Variants in TTC28 observed in about 807,000 individuals in gnomAD.
The protein encoded by TTC28 is tetratricopeptide repeat protein 28.
TTC28 carries 61 observed loss-of-function variants against 198.0 expected under a neutral mutation model. The observed-to-expected ratio is 0.31, with a 90% CI of 0.25 to 0.38. The LOEUF is 0.38. Ranked by LOEUF, TTC28 falls within the 10% of genes least tolerant of loss-of-function variation. The pLI is 1.00. For synonymous variants in TTC28, 1,171 were observed against 1,297.8 expected (o/e 0.90, Z 2.10); for missense variants, 2,678 against 3,164.0 (o/e 0.85, Z 3.69).
chr22:28,523,030 G>A (rs1042861597), intron 2 of TTC28, among the ~76,000 whole-genome samples: 7 of 152,034 alleles, frequency 4.6e-5, no homozygotes, highest in African/African-American at 1.4e-4. Context: ...AAGGGTAGAC[G>A]TTATGGTATG....
chr22:28,296,254 C>A lies in TTC28; in HGVS notation c.877G>T (p.Ala293Ser). Residue 293 changes from alanine (A) to serine (S), a missense_variant, in exon 5 of 23, where the codon GCT becomes TCT. By Grantham distance (99) the Ala-to-Ser change is moderately conservative. Transcript: ENST00000397906. ...AACTGATGCCTGTGGTTAGTGAGAG[C>A]CTCCCGGTAATTTCCTTTGGAGAAG... is the stretch of plus-strand genomic sequence containing the variant. ...AFFSKGNYRE[A>S]LTNHRHQLVL... 6.4e-7 allele frequency: 1 copy of A among 1,550,990 alleles called. No individual in the cohort carries two copies. Among genetic ancestry groups the A allele is most frequent in the Non-Finnish European group, 8.7e-7 (1 of 1,146,690 alleles).
Position 28,105,809 on chromosome 22 carries a change from G to A in TTC28, c.2784-7C>T. 6.5e-7 allele frequency: 1 copy of A among 1,538,616 alleles called. No homozygotes were observed. The highest frequency in any genetic ancestry group is 1.2e-5 in the South Asian group (1 of 82,652). Reference sequence around the variant, plus strand: ...CTGCAAGCTCCCCATTGCCCTGTGGGGATGTAGACAGAAAAGCAATGATAT... The same window carrying A: ...CTGCAAGCTCCCCATTGCCCTGTGGAGATGTAGACAGAAAAGCAATGATAT... On this transcript the variant is annotated splice_region_variant and splice_polypyrimidine_tract_variant and intron_variant, in intron 7 of 22. Transcript: ENST00000397906.
chr22:28,029,401 A>C (rs1184884377), intron 13 of TTC28, among the ~76,000 whole-genome samples: 5 of 152,204 alleles, frequency 3.3e-5, no homozygotes, highest in Non-Finnish European at 7.4e-5. Flanking sequence ...CCTCCCACCC[A>C]GTGCACAGTC....
chr22:28,125,097 A>AT lies in TTC28; in HGVS notation c.1442-16695dup, dbSNP rs1942883358. On this transcript the variant is annotated intron_variant, in intron 6 of 22. Coordinates refer to ENST00000397906, the MANE Select transcript of TTC28 (RefSeq NM_001145418.2). ...CCTCCAAAGAGCTCACCATGCTCTCATGCCTCCCCTTTATCATTACCGTAT... is the reference window on the plus strand; with the variant it reads ...CCTCCAAAGAGCTCACCATGCTCTCATTGCCTCCCCTTTATCATTACCGTAT... Among the ~76,000 whole-genome samples, 3 of 152,302 alleles carry AT rather than the reference A, an allele frequency of 2.0e-5. No individual in the cohort carries two copies. In the South Asian group the frequency reaches 6.2e-4, roughly 32 times the overall value.
At chr22:28,034,464 C>T (rs1007443887) in intron 12 of TTC28, among the ~76,000 whole-genome samples, 8 of 152,204 alleles carry the variant, frequency 5.3e-5, no homozygotes, top group African/African-American at 1.7e-4. Flanking sequence ...CTCCTTCCCT[C>T]GTGGCTCTCT....
At chr22:28,394,914 A>G (rs1396645961) in intron 2 of TTC28, among the ~76,000 whole-genome samples, 2 of 152,170 alleles carry the variant, frequency 1.3e-5, no homozygotes, top group Non-Finnish European at 2.9e-5. Flanking sequence ...ACATAGTAAT[A>G]CTATGACTAT....
At chr22:28,608,355 G>C (rs2050766023) in intron 2 of TTC28, among the ~76,000 whole-genome samples, 1 of 152,164 alleles carries the variant, frequency 6.6e-6, no homozygotes, top group African/African-American at 2.4e-5. Context: ...GCTTCCTAGA[G>C]AAGTTCCATT....
intron 2 of TTC28, among the ~76,000 whole-genome samples, chr22:28,414,089 C>G (rs1412652988): frequency 1.3e-5 from 2 of 152,140 alleles, no homozygotes; most frequent in East Asian, 3.9e-4. Flanking sequence ...ATTAATATGT[C>G]ACATCATCTA....
chr22:28,051,724 C>T (rs901235445), intron 12 of TTC28, among the ~76,000 whole-genome samples: 5 of 152,184 alleles, frequency 3.3e-5, no homozygotes, highest in African/African-American at 1.2e-4. Context: ...TAGTGGGAAA[C>T]GTCCCCTGCA....
intron 2 of TTC28, among the ~76,000 whole-genome samples, chr22:28,355,456 AAACT>A (rs776649098): frequency 1.1e-4 from 17 of 152,324 alleles, no homozygotes; most frequent in Admixed American, 4.6e-4. Context: ...ATCAAGATGA[AAACT>A]AATAATGTGT....
intron 2 of TTC28, among the ~76,000 whole-genome samples, chr22:28,579,562 T>C (rs778497020): frequency 6.7e-6 from 1 of 148,706 alleles, no homozygotes; most frequent in East Asian, 2.0e-4. Context: ...TATAGTCACA[T>C]ATACAAATGC....
chr22:28,045,308 G>A (rs1939820158), intron 12 of TTC28, among the ~76,000 whole-genome samples: 1 of 152,206 alleles, frequency 6.6e-6, no homozygotes, highest in South Asian at 2.1e-4. Context: ...GCTCCAATGA[G>A]CATTTCCTCT....
chr22:28,088,491 A>G (rs1433755486), intron 12 of TTC28, among the ~76,000 whole-genome samples: 2 of 152,192 alleles, frequency 1.3e-5, no homozygotes, highest in Non-Finnish European at 2.9e-5. Flanking sequence ...TCCCTTCCTT[A>G]CACCTTATAC....
intron 1 of TTC28, among the ~76,000 whole-genome samples, chr22:28,663,259 A>C (rs1457955003): frequency 6.6e-6 from 1 of 151,776 alleles, no homozygotes; most frequent in Non-Finnish European, 1.5e-5. Flanking sequence ...AAAAAAAAAA[A>C]AAAAGAAAGA....
At chr22:28,403,760 G>C (rs773047939) in intron 2 of TTC28, among the ~76,000 whole-genome samples, 1 of 152,176 alleles carries the variant, frequency 6.6e-6, no homozygotes, top group Non-Finnish European at 1.5e-5. Context: ...GGCTATAGGA[G>C]AGTATTAGAC....
intron 2 of TTC28, among the ~76,000 whole-genome samples, chr22:28,329,230 TAC>T (rs1392244314): frequency 1.3e-5 from 2 of 152,182 alleles, no homozygotes; most frequent in African/African-American, 2.4e-5. Flanking sequence ...TATATATACA[TAC>T]AGAGTATTAT....
At chr22:28,411,262 A>T (rs1011897741) in intron 2 of TTC28, among the ~76,000 whole-genome samples, 6 of 152,186 alleles carry the variant, frequency 3.9e-5, no homozygotes, top group African/African-American at 1.2e-4. Context: ...TTCAGAGTGA[A>T]TAACAGAAAC....
chr22:28,539,917 T>C (rs894381809), intron 2 of TTC28, among the ~76,000 whole-genome samples: 1 of 150,592 alleles, frequency 6.6e-6, no homozygotes, highest in African/African-American at 2.4e-5. Context: ...AGCATCTACT[T>C]CTGGGGAGGC....
chr22:28,259,872 T>C (rs552783552), intron 5 of TTC28, among the ~76,000 whole-genome samples: 3 of 152,204 alleles, frequency 2.0e-5, no homozygotes, highest in South Asian at 2.1e-4. Context: ...TCAGAGGAAA[T>C]TGCAAGGAGA....
Sources: gnomAD v4.1 joint callset for allele counts (sites outside exome capture counted in the v4.1 genomes callset) on GRCh38, gnomAD v4.1.1 for gene constraint, MANE v1.5 for transcripts, NCBI Gene and HGNC (gene_info 2026-07-23, HGNC 2026-07-21) for gene names.